Variants in GRM4 observed in about 807,000 individuals in gnomAD.
GRM4 encodes glutamate metabotropic receptor 4.
A neutral mutation model predicts 81.7 loss-of-function variants in GRM4; 28 were observed. That is an observed-to-expected ratio of 0.34 (90% confidence interval 0.25 to 0.47). GRM4 has a LOEUF of 0.47. GRM4 is among the 20% of genes least tolerant of loss of function. The pLI, the probability that GRM4 is intolerant of heterozygous loss-of-function variation, is 1.00. For synonymous variants in GRM4, 488 were observed against 528.8 expected, an observed-to-expected ratio of 0.92 and a Z score of 1.06; for missense variants, 948 against 1,290.0, an observed-to-expected ratio of 0.73 and a Z score of 4.06.
At chr6:34,101,564 AT>A (rs1455814971) in intron 2 of GRM4, among the ~76,000 whole-genome samples, 2 of 152,156 alleles carry the variant, frequency 1.3e-5, no homozygotes, top group Non-Finnish European at 2.9e-5. Flanking sequence ...GGCCGCCCCC[AT>A]CCTGTGGGGC....
chr6:34,110,165 AC>A (rs938691894), intron 2 of GRM4, among the ~76,000 whole-genome samples: 2 of 152,134 alleles, frequency 1.3e-5, no homozygotes, highest in African/African-American at 4.8e-5. Context: ...ATGGCGGTGC[AC>A]AACTATAGTT....
At chr6:34,056,923 G>T (rs190548050) in intron 5 of GRM4, among the ~76,000 whole-genome samples, 10 of 152,378 alleles carry the variant, frequency 6.6e-5, no homozygotes, top group Admixed American at 5.2e-4. Context: ...TTATGGAAGA[G>T]AAGCACACCG....
chr6:34,050,757 C>T (rs1273450378), intron 6 of GRM4, among the ~76,000 whole-genome samples: 2 of 152,230 alleles, frequency 1.3e-5, no homozygotes, highest in Non-Finnish European at 2.9e-5. Flanking sequence ...GCCTTCTCCA[C>T]CCTCACAGTT....
At chr6:34,140,773 C>T (rs890483065) in intron 1 of GRM4, among the ~76,000 whole-genome samples, 2 of 152,262 alleles carry the variant, frequency 1.3e-5, no homozygotes, top group African/African-American at 4.8e-5. Context: ...GCAGCTGTTA[C>T]TATTTTGGCC....
chr6:34,027,557 C>T (rs909517846), intron 10 of GRM4, among the ~76,000 whole-genome samples: 1 of 152,226 alleles, frequency 6.6e-6, no homozygotes, highest in Non-Finnish European at 1.5e-5. Flanking sequence ...GGCCCATGTC[C>T]CGGGTCCCCA....
intron 3 of GRM4, among the ~76,000 whole-genome samples, chr6:34,072,780 AG>A (rs2127471687): frequency 7.9e-6 from 1 of 127,058 alleles, no homozygotes; most frequent in East Asian, 2.4e-4. Context: ...CACCACACAC[AG>A]ACCCAAACAC....
At chr6:34,043,316 G>T (rs1170570838) in intron 6 of GRM4, among the ~76,000 whole-genome samples, 1 of 152,182 alleles carries the variant, frequency 6.6e-6, no homozygotes, top group Admixed American at 6.5e-5. Flanking sequence ...GGTCACGAGG[G>T]CCTAGGGAGA....
intron 3 of GRM4, among the ~76,000 whole-genome samples, chr6:34,065,412 A>G (rs1766406218): frequency 6.6e-6 from 1 of 152,132 alleles, no homozygotes. Context: ...CTGAGAGTAG[A>G]TAGAATCAAA....
upstream of GRM4, among the ~76,000 whole-genome samples, chr6:34,149,939 C>T (rs1771011854): frequency 6.6e-6 from 1 of 152,200 alleles, no homozygotes; most frequent in African/African-American, 2.4e-5. Context: ...TGCCTAGTGC[C>T]TTGGTGGGGG....
At chr6:34,094,830 G>A (rs1481137150) in intron 2 of GRM4, among the ~76,000 whole-genome samples, 3 of 152,150 alleles carry the variant, frequency 2.0e-5, no homozygotes, top group Non-Finnish European at 2.9e-5. Context: ...CACAGCCGGC[G>A]GCAAATGGAA....
intron 2 of GRM4, among the ~76,000 whole-genome samples, chr6:34,095,053 C>T (rs561639152): frequency 6.6e-6 from 1 of 152,338 alleles, no homozygotes; most frequent in South Asian, 2.1e-4. Context: ...GGCCCTGGCC[C>T]ACGGCACACA....
chr6:34,060,630 G>T (rs1427245319), intron 4 of GRM4: 2 of 152,280 alleles, frequency 1.3e-5, no homozygotes, highest in Non-Finnish European at 2.9e-5. Flanking sequence ...GCTGGGTGCG[G>T]TGTGGGAGCC....
At chr6:34,067,356 TCCTCCTTCCTTCGCTCCCTC>T (rs1766520955) in intron 3 of GRM4, among the ~76,000 whole-genome samples, 2 of 148,320 alleles carry the variant, frequency 1.3e-5, no homozygotes, top group Non-Finnish European at 3.0e-5. Context: ...CTCTCTTCCT[TCCTCCTTCCTTCGCTCCCTC>T]CCTCCGTCCT....
intron 10 of GRM4, chr6:34,024,145 C>T (rs976515675): frequency 1.3e-5 from 2 of 153,788 alleles, no homozygotes; most frequent in African/African-American, 4.8e-5. Flanking sequence ...GATCCTCTCT[C>T]CCCTATTTCA....
intron 3 of GRM4, among the ~76,000 whole-genome samples, chr6:34,081,824 C>T (rs2127478904): frequency 6.6e-6 from 1 of 152,316 alleles, no homozygotes; most frequent in East Asian, 1.9e-4. Flanking sequence ...CAGCCACATC[C>T]CCAAGGAGCT....
At chr6:34,127,372 A>G (rs1561829252) in intron 2 of GRM4, among the ~76,000 whole-genome samples, 1 of 152,240 alleles carries the variant, frequency 6.6e-6, no homozygotes, top group Non-Finnish European at 1.5e-5. Flanking sequence ...CTGCAGTTGG[A>G]AAATAGCATG....
At chr6:34,108,695 C>T (rs1026325848) in intron 2 of GRM4, among the ~76,000 whole-genome samples, 4 of 152,192 alleles carry the variant, frequency 2.6e-5, no homozygotes, top group African/African-American at 4.8e-5. Context: ...CAGAGACCTC[C>T]CAATGTCCAG....
chr6:34,093,210 G>A (rs1407575414), intron 2 of GRM4, among the ~76,000 whole-genome samples: 1 of 152,236 alleles, frequency 6.6e-6, no homozygotes, highest in Non-Finnish European at 1.5e-5. Context: ...GTGGGGAAAT[G>A]TTCCTGGGAC....
chr6:34,027,704 C>T (rs1340857225), intron 10 of GRM4, among the ~76,000 whole-genome samples: 1 of 152,202 alleles, frequency 6.6e-6, no homozygotes, highest in East Asian at 1.9e-4. Flanking sequence ...TTCCTTCTCC[C>T]AGAGGGGCTG....
Sources: gnomAD v4.1 joint callset for allele counts (sites outside exome capture counted in the v4.1 genomes callset) on GRCh38, gnomAD v4.1.1 for gene constraint, MANE v1.5 for transcripts, NCBI Gene and HGNC (gene_info 2026-07-23, HGNC 2026-07-21) for gene names.